DENND11: variants seen among roughly 807,000 people sequenced by gnomAD.
DENND11 encodes DENN domain containing 11, also known as DENN domain-containing protein 11.
A neutral mutation model predicts 49.2 loss-of-function variants in DENND11; 34 were observed. That is an observed-to-expected ratio of 0.69 (90% CI 0.53 to 0.92). The LOEUF (loss-of-function observed/expected upper bound fraction) is 0.92. DENND11 is among the 40% of genes least tolerant of loss of function. The probability of loss-of-function intolerance (pLI) is 0.00; values close to 1 mark genes in which losing one functional copy is unlikely to be tolerated. For synonymous variants in DENND11, 238 were observed against 230.3 expected (o/e 1.03, Z -0.30); for missense variants, 475 against 581.6 (o/e 0.82, Z 1.88).
At chr7:141,674,525 T>C (rs540336704) in intron 3 of DENND11, among the ~76,000 whole-genome samples, 1 of 152,322 alleles carries the variant, frequency 6.6e-6, no homozygotes, top group East Asian at 1.9e-4. Context: ...CTATTGTTCT[T>C]GAGCAAGGTA....
At position 141,662,733 on chromosome 7, in the gene DENND11, G is replaced by C; in HGVS notation, c.1291C>G (p.Arg431Gly). Residue 431 changes from arginine to glycine, a missense_variant, in exon 9 of 9, where the codon CGG becomes GGG. Physicochemically the swap from Arg to Gly is moderately radical, Grantham distance 125. Transcript: ENST00000536163. ...TCCAGCAGGTCCAGGAGAAAGCTCC[G>C]GTCTCCTTGGGGGTCTAGGCCCATG... is the stretch of plus-strand genomic sequence containing the variant. ...RGMGLDPQGD[R>G]SFLLDLLEAY... is the part of the protein sequence containing the mutation. The C allele has an allele frequency of 6.2e-7, 1 of 1,611,432 alleles. No homozygotes were observed.
At chr7:141,677,308 A>G (rs1454738458) in intron 3 of DENND11, among the ~76,000 whole-genome samples, 1 of 149,918 alleles carries the variant, frequency 6.7e-6, no homozygotes, top group African/African-American at 2.5e-5. Context: ...AATTGCTTGA[A>G]CCCAGGAGGC....
intron 1 of DENND11, among the ~76,000 whole-genome samples, chr7:141,700,814 A>G (rs73518089): frequency 0.064 from 9,654 of 151,956 alleles, 749 homozygotes; most frequent in African/African-American, 0.18. Context: ...CTGCCATACC[A>G]GATTCCCCTT....
At chr7:141,677,471 A>G (rs1798079063) in intron 3 of DENND11, among the ~76,000 whole-genome samples, 1 of 142,640 alleles carries the variant, frequency 7.0e-6, no homozygotes, top group Middle Eastern at 3.6e-3. Context: ...GTGTATATAT[A>G]TTTATATATA....
chr7:141,695,795 T>C (rs927956752), intron 1 of DENND11, among the ~76,000 whole-genome samples: 1 of 152,210 alleles, frequency 6.6e-6, no homozygotes, highest in African/African-American at 2.4e-5. Flanking sequence ...CTCTGTGTCC[T>C]TTCTCATCTT....
chr7:141,660,936 A>G lies in DENND11; in HGVS notation c.*1720T>C, dbSNP rs1043461221. 1 of 152,638 alleles carries G rather than the reference A, an allele frequency of 6.6e-6. No homozygotes were observed. The highest frequency in any genetic ancestry group is 1.5e-5 in the Non-Finnish European group (1 of 68,054). 9.5% of individuals were successfully genotyped at this position (152,638 alleles called of 1,614,324 possible). A position where few individuals can be genotyped will look rare whatever the true frequency, so the allele number is the denominator to read the frequency against. ...TATTAGCTGTACAGTTTACATTTCA[A>G]TGCCCAAACTTATTTATATATTTAC... On this transcript the variant is annotated 3_prime_UTR_variant, in exon 9 of 9. Coordinates refer to ENST00000536163, the MANE Select transcript of DENND11 (RefSeq NM_001080392.2).
chr7:141,667,587 C>A (rs974847974), intron 4 of DENND11, among the ~76,000 whole-genome samples: 7 of 152,164 alleles, frequency 4.6e-5, no homozygotes, highest in Admixed American at 3.9e-4. Context: ...CATTTCCATG[C>A]CAAAGTGCCA....
rs1353703284 is a variant in DENND11, at chr7:141,694,744, G to A, written c.268+7142C>T. On this transcript the variant is annotated intron_variant, in intron 1 of 8. Coordinates refer to ENST00000536163, the MANE Select transcript of DENND11 (RefSeq NM_001080392.2). ...GGGAATTTGACATTTGCTTATGTGT[G>A]ATTTCAATCATGAAAAACACAAAGT... 2.8e-5 allele frequency among the ~76,000 whole-genome samples: 4 copies of A among 145,168 alleles called. No homozygotes were observed. In the East Asian group the frequency reaches 8.5e-4, roughly 31 times the overall value.
chr7:141,678,866 C>T (rs779543875), intron 3 of DENND11, among the ~76,000 whole-genome samples: 6 of 152,124 alleles, frequency 3.9e-5, no homozygotes, highest in African/African-American at 7.2e-5. Context: ...GGTTATGAGT[C>T]GTAGGTCCCT....
At chr7:141,666,446 AG>A (rs759378862) in intron 4 of DENND11, 21 bp from the exon 5 acceptor site, 2 of 1,562,284 alleles carry the variant, frequency 1.3e-6, no homozygotes, top group Non-Finnish European at 1.7e-6. Context: ...TGAGGGGAAT[AG>A]GGAGGAGAAA....
intron 1 of DENND11, among the ~76,000 whole-genome samples, chr7:141,689,711 C>G (rs1798295247): frequency 6.6e-6 from 1 of 152,208 alleles, no homozygotes; most frequent in East Asian, 1.9e-4. Flanking sequence ...ATTATTTGTA[C>G]AACAGAAACC....
chr7:141,691,265 C>G (rs1044779620), intron 1 of DENND11, among the ~76,000 whole-genome samples: 9 of 152,228 alleles, frequency 5.9e-5, no homozygotes, highest in African/African-American at 2.2e-4. Flanking sequence ...AGAGGGGATG[C>G]TGGAGCCATT....
intron 1 of DENND11, among the ~76,000 whole-genome samples, chr7:141,695,983 GC>G (rs1372923200): frequency 6.6e-6 from 1 of 152,226 alleles, no homozygotes. Flanking sequence ...GCAGCACGGT[GC>G]CTGCCAGGTG....
At chr7:141,698,704 T>C (rs1361910274) in intron 1 of DENND11, among the ~76,000 whole-genome samples, 1 of 152,118 alleles carries the variant, frequency 6.6e-6, no homozygotes, top group Non-Finnish European at 1.5e-5. Flanking sequence ...CCTTAGAGAA[T>C]CACTGCATAT....
chr7:141,677,553 C>T (rs934115879), intron 3 of DENND11, among the ~76,000 whole-genome samples: 3 of 142,594 alleles, frequency 2.1e-5, no homozygotes, highest in Non-Finnish European at 3.0e-5. Context: ...CTGAACAAAT[C>T]GTCTTCTAGC....
intron 1 of DENND11, among the ~76,000 whole-genome samples, chr7:141,697,364 G>A (rs1008813917): frequency 4.6e-5 from 7 of 152,164 alleles, no homozygotes; most frequent in African/African-American, 1.4e-4. Context: ...CCACAAGCAG[G>A]TGAATCACCA....
intron 2 of DENND11, 75 bp downstream of exon 2, chr7:141,686,484 G>C: frequency 1.1e-6 from 1 of 901,158 alleles, no homozygotes; most frequent in Non-Finnish European, 1.8e-6. Flanking sequence ...CTCCTAATAA[G>C]AGCCCTTCAG....
rs149642704 is a variant in DENND11 at position 141,676,013 on chromosome 7, C to A, written c.528-1793G>T. ...CTAGACAGGAAACCCATGGTCTAAG[C>A]TGTGTCTGACTATTCTGAGAAGATG... On this transcript the variant is annotated intron_variant, in intron 3 of 8. Coordinates refer to ENST00000536163, the MANE Select transcript of DENND11 (RefSeq NM_001080392.2). Among the ~76,000 whole-genome samples, 9 of 152,308 alleles carry A rather than the reference C, an allele frequency of 5.9e-5. No homozygotes were observed. The East Asian group carries it at 1.7e-3, about 29-fold the overall frequency.
Position 141,702,007 on chromosome 7 carries a change from C to T in DENND11, c.147G>A (p.Arg49=). The change falls in exon 1 of 9, where the codon AGG becomes AGA. Residue 49 remains arginine (R), a synonymous_variant. Coordinates refer to ENST00000536163, the MANE Select transcript of DENND11 (RefSeq NM_001080392.2). The part of the protein sequence containing the change: ...GARPAAEPPR[R]REPEEPAAPE... ...GGGCGGCCGGCTCCTCGGGCTCCCG[C>T]CTCCGGGGCGGCTCCGCGGCCGGCC... is the stretch of plus-strand genomic sequence containing the variant. 1 of 1,120,204 alleles carries T rather than the reference C, an allele frequency of 8.9e-7. No homozygotes were observed. The highest frequency in any genetic ancestry group is 1.1e-6 in the Non-Finnish European group (1 of 917,146). 69.4% of individuals were successfully genotyped at this position (1,120,204 alleles called of 1,614,324 possible).
Sources: allele counts gnomAD v4.1 joint callset (sites outside exome capture counted in the v4.1 genomes callset), GRCh38; gene constraint gnomAD v4.1.1; transcripts MANE v1.5; gene names NCBI Gene and HGNC (gene_info 2026-07-23, HGNC 2026-07-21).